Variants in KCTD1 observed in about 807,000 individuals in gnomAD.
KCTD1 encodes BTB/POZ domain-containing protein KCTD1.
KCTD1 carries 24 observed loss-of-function variants against 66.0 expected under a neutral mutation model. The observed-to-expected ratio is 0.36, with a 90% CI of 0.26 to 0.51. The LOEUF is 0.51. Ranked by LOEUF, KCTD1 falls within the 20% of genes least tolerant of loss-of-function variation. KCTD1 has a pLI of 0.95. For missense variants in KCTD1, 943 were observed against 1,205.2 expected (o/e 0.78, Z 3.22); for synonymous variants, 511 against 517.2 (o/e 0.99, Z 0.16).
At chr18:26,596,888 C>T (rs540830658) in intron 1 of KCTD1, among the ~76,000 whole-genome samples, 1 of 152,312 alleles carries the variant, frequency 6.6e-6, no homozygotes, top group African/African-American at 2.4e-5. Flanking sequence ...TTAGTTGGAA[C>T]TGCTGATGAA....
In KCTD1 at chr18:26,476,831, G is replaced by A; in HGVS notation, c.1989-172C>T. 1.7e-6 allele frequency: 1 copy of A among 595,178 alleles called. No individual in the cohort carries two copies. Among genetic ancestry groups the A allele is most frequent in the East Asian group, 3.0e-5 (1 of 33,412 alleles). The allele number at this position is 595,178 out of a possible 1,614,324, so 36.9% of individuals were successfully genotyped here. A position where few individuals can be genotyped will look rare whatever the true frequency, so the allele number is the denominator to read the frequency against. ...CCGCTTGATAAATATCTCAGGACGA[G>A]ACCATTCAAAATAGTCCTAGGCTTT... On this transcript the variant is annotated intron_variant, in intron 2 of 4. Transcript: ENST00000580059. The surrounding 1 kb of genome is among the most constrained non-coding windows in gnomAD (Gnocchi z 4.9).
intron 1 of KCTD1, among the ~76,000 whole-genome samples, chr18:26,623,039 T>C (rs1450825894): frequency 1.3e-5 from 2 of 152,130 alleles, no homozygotes; most frequent in East Asian, 1.9e-4. Flanking sequence ...ATCTTTTCTG[T>C]CTCTTACATT....
intron 1 of KCTD1, among the ~76,000 whole-genome samples, chr18:26,596,483 C>T (rs766202247): frequency 6.6e-6 from 1 of 152,118 alleles, no homozygotes; most frequent in African/African-American, 2.4e-5. Flanking sequence ...TATGGCAGCC[C>T]GAGGGGACTT....
At chr18:26,599,016 A>AT (rs1345060145) in intron 1 of KCTD1, among the ~76,000 whole-genome samples, 2 of 151,968 alleles carry the variant, frequency 1.3e-5, no homozygotes, top group African/African-American at 2.4e-5. Context: ...CAAATTGTCT[A>AT]TTTTTTCTTT....
upstream of KCTD1, among the ~76,000 whole-genome samples, chr18:26,633,919 T>C (rs745512178): frequency 1.6e-4 from 24 of 152,190 alleles, no homozygotes; most frequent in Non-Finnish European, 2.9e-4. Context: ...CTATTAAAAT[T>C]TGAAATACAC....
intron 1 of KCTD1, among the ~76,000 whole-genome samples, chr18:26,531,096 G>A (rs1042392685): frequency 3.3e-5 from 5 of 151,892 alleles, no homozygotes; most frequent in African/African-American, 1.2e-4. Context: ...AACAGTAGAA[G>A]GAATAAAAAT....
intron 1 of KCTD1, chr18:26,599,698 A>G (rs1986845771): frequency 4.7e-6 from 7 of 1,504,518 alleles, no homozygotes; most frequent in Non-Finnish European, 6.5e-6. Flanking sequence ...TGAAAGAGCC[A>G]GTAGAGACAG....
At chr18:26,495,890 T>A (rs959394174) in intron 2 of KCTD1, among the ~76,000 whole-genome samples, 24 of 152,188 alleles carry the variant, frequency 1.6e-4, no homozygotes, top group African/African-American at 5.5e-4. Flanking sequence ...CACATCTGAA[T>A]AACCATCAAT....
chr18:26,588,048 C>A (rs1364929849), intron 1 of KCTD1, among the ~76,000 whole-genome samples: 1 of 152,160 alleles, frequency 6.6e-6, no homozygotes, highest in African/African-American at 2.4e-5. Context: ...GGGTAAAATG[C>A]CATCAAACAG....
chr18:26,477,390 C>T (rs1377565503), intron 2 of KCTD1, among the ~76,000 whole-genome samples: 1 of 152,134 alleles, frequency 6.6e-6, no homozygotes, highest in Non-Finnish European at 1.5e-5. Context: ...GTATGGTGTG[C>T]TACAGTTGAA....
At chr18:26,521,131 G>A (rs1424760979) in intron 1 of KCTD1, among the ~76,000 whole-genome samples, 2 of 152,226 alleles carry the variant, frequency 1.3e-5, no homozygotes, top group South Asian at 2.1e-4. Context: ...GAGATGGGGG[G>A]AACCTCAGGG....
chr18:26,622,449 T>C (rs569991280), intron 1 of KCTD1, among the ~76,000 whole-genome samples: 11 of 152,314 alleles, frequency 7.2e-5, no homozygotes, highest in African/African-American at 2.6e-4. Context: ...CCAGCGTCCA[T>C]GCCTGCTGGT....
chr18:26,536,923 TAAAAA>T (rs75357237), intron 1 of KCTD1, among the ~76,000 whole-genome samples: 1 of 142,248 alleles, frequency 7.0e-6, no homozygotes, highest in African/African-American at 2.6e-5. Context: ...TTTCATAAAT[TAAAAA>T]AAAAAAACCC....
At chr18:26,486,468 C>T (rs1428452118) in intron 2 of KCTD1, among the ~76,000 whole-genome samples, 6 of 152,196 alleles carry the variant, frequency 3.9e-5, no homozygotes, top group South Asian at 2.1e-4. Flanking sequence ...TGTTACAGAA[C>T]GAACTCTTTT....
chr18:26,531,407 A>T (rs189759231), intron 1 of KCTD1, among the ~76,000 whole-genome samples: 1 of 152,322 alleles, frequency 6.6e-6, no homozygotes, highest in Non-Finnish European at 1.5e-5. Context: ...TTTAAGTCAA[A>T]TACATACAGA....
chr18:26,587,859 G>A (rs1320370805), intron 1 of KCTD1, among the ~76,000 whole-genome samples: 1 of 152,212 alleles, frequency 6.6e-6, no homozygotes, highest in Non-Finnish European at 1.5e-5. Flanking sequence ...CAGATGTGGA[G>A]TTGTTTCTTA....
intron 1 of KCTD1, among the ~76,000 whole-genome samples, chr18:26,542,808 G>A (rs2298592): frequency 0.12 from 17,514 of 152,006 alleles, 1,817 homozygotes; most frequent in African/African-American, 0.28. Flanking sequence ...CTGTTTCATG[G>A]GTCAGCTTGA....
At chr18:26,509,442 C>G (rs1567973606) in intron 1 of KCTD1, among the ~76,000 whole-genome samples, 1 of 151,840 alleles carries the variant, frequency 6.6e-6, no homozygotes, top group East Asian at 1.9e-4. Flanking sequence ...TTATGAGGTA[C>G]AGAGTGTTAG....
chr18:26,588,868 A>AGTGTGTTGTTTTGT (rs1555645176), intron 1 of KCTD1, among the ~76,000 whole-genome samples: 1 of 109,740 alleles, frequency 9.1e-6, no homozygotes, highest in Non-Finnish European at 2.0e-5. Context: ...AATCGAATGC[A>AGTGTGTTGTTTTGT]AAGCCCTAAT....
Sources: gnomAD v4.1 joint callset for allele counts (sites outside exome capture counted in the v4.1 genomes callset) on GRCh38, gnomAD v4.1.1 for gene constraint, Gnocchi (gnomAD v3.1) non-coding constraint, MANE v1.5 for transcripts, NCBI Gene and HGNC (gene_info 2026-07-23, HGNC 2026-07-21) for gene names.